The following MOK variants were observed in gnomAD, a reference collection of about 807,000 sequenced individuals.
The protein encoded by MOK is MAPK/MAK/MRK overlapping kinase.
In MOK, 59 loss-of-function variants were observed where a neutral mutation model predicts 54.2. The ratio of observed to expected loss-of-function variants is 1.09; its 90% CI spans 0.88 to 1.35. The LOEUF (loss-of-function observed/expected upper bound fraction) is 1.35. MOK is among the 40% of genes most tolerant of loss of function. The pLI is 0.00. For missense variants in MOK, 517 were observed against 526.2 expected (o/e 0.98, Z 0.17); for synonymous variants, 210 against 202.7 (o/e 1.04, Z -0.31).
In MOK at chr14:102,236,335, C is replaced by T. The variant is rs1045447699; in HGVS notation, c.591-2546G>A. Among the ~76,000 whole-genome samples the T allele has an allele frequency of 4.6e-5, 7 of 152,204 alleles. No individual in the cohort carries two copies. Among genetic ancestry groups the T allele is most frequent in the African/African-American group, 1.4e-4 (6 of 41,452 alleles). ...TTTAAATTGATAGCGGGGCCACCTA[C>T]TCAGCTTTGCCTGAATTTTCAGGAC... On this transcript the variant is annotated intron_variant, in intron 7 of 11. Transcript: ENST00000361847. The surrounding 1 kb of genome is among the most constrained non-coding windows in gnomAD (Gnocchi z 4.5).
rs1287377878 is a variant in MOK, at chr14:102,236,661, T to C, written c.591-2872A>G. On this transcript the variant is annotated intron_variant, in intron 7 of 11. Coordinates refer to ENST00000361847, the MANE Select transcript of MOK (RefSeq NM_014226.3). The surrounding 1 kb of genome is among the most constrained non-coding windows in gnomAD (Gnocchi z 4.5). The stretch of plus-strand genomic sequence containing the variant: ...CAGTACCCACTTCCCACCTCTTTTG[T>C]AAACCCAACAGGGTGGGACACCACC... 6.8e-6 allele frequency among the ~76,000 whole-genome samples: 1 copy of C among 147,746 alleles called. No homozygotes were observed. Among genetic ancestry groups the C allele is most frequent in the East Asian group, 1.9e-4 (1 of 5,170 alleles).
At chr14:102,226,022 T>C (rs545510037), downstream of MOK, 3 of 451,582 alleles carry the variant, frequency 6.6e-6, no homozygotes, top group South Asian at 5.4e-5. This position sits in a 1 kb window ranked among gnomAD's most constrained non-coding sequence, Gnocchi z 4.8. Flanking sequence ...AGCTGGACTC[T>C]AGCTGCCTTG....
At position 102,305,092 on chromosome 14, in the gene MOK, G is replaced by T. The variant is rs1326712931; in HGVS notation, c.-124C>A. On this transcript the variant is annotated 5_prime_UTR_variant, in exon 1 of 12. Transcript: ENST00000361847. ...GTCCCGCACTAGGATCTCCGTGGTG[G>T]TCCCTCGAAGGAGAGCGTTAGAGAT... is the stretch of plus-strand genomic sequence containing the variant. The T allele has an allele frequency of 1.4e-5, 16 of 1,159,128 alleles. No homozygotes were observed. The highest frequency in any genetic ancestry group is 1.9e-5 in the Non-Finnish European group (15 of 790,764). The allele number at this position is 1,159,128 out of a possible 1,614,324, so 71.8% of individuals were successfully genotyped here. A position where few individuals can be genotyped will look rare whatever the true frequency, so the allele number is the denominator to read the frequency against.
intron 1 of MOK, among the ~76,000 whole-genome samples, chr14:102,295,504 C>A (rs1295686098): frequency 6.6e-6 from 1 of 152,100 alleles, no homozygotes; most frequent in Non-Finnish European, 1.5e-5. Context: ...TGGGGCTTCA[C>A]CAGTAGAGGG....
chr14:102,298,104 A>C (rs2071657925), intron 1 of MOK, among the ~76,000 whole-genome samples: 1 of 152,194 alleles, frequency 6.6e-6, no homozygotes, highest in African/African-American at 2.4e-5. Flanking sequence ...GGGCAGCTCC[A>C]CCTGCAGCCC....
intron 4 of MOK, among the ~76,000 whole-genome samples, chr14:102,263,100 T>A (rs529567432): frequency 6.6e-6 from 1 of 152,320 alleles, no homozygotes; most frequent in East Asian, 1.9e-4. Context: ...TGAACGAGCA[T>A]CCTGGAAAAT....
chr14:102,303,119 C>A (rs931785645), intron 1 of MOK, among the ~76,000 whole-genome samples: 1 of 151,594 alleles, frequency 6.6e-6, no homozygotes, highest in African/African-American at 2.4e-5. Context: ...CAAGATTGCA[C>A]CACTGCACTC....
chr14:102,278,266 T>C (rs1050269356), intron 2 of MOK, among the ~76,000 whole-genome samples: 7 of 152,112 alleles, frequency 4.6e-5, no homozygotes, highest in Admixed American at 2.6e-4. Flanking sequence ...GGAAGGACAC[T>C]GGGTGGAGGT....
intron 1 of MOK, among the ~76,000 whole-genome samples, chr14:102,288,278 C>T (rs1270877760): frequency 6.6e-6 from 1 of 152,222 alleles, no homozygotes; most frequent in South Asian, 2.1e-4. Context: ...AGGTGGAAAG[C>T]ATCCAAATGT....
chr14:102,285,299 T>G (rs2153173710), intron 1 of MOK, among the ~76,000 whole-genome samples: 1 of 152,260 alleles, frequency 6.6e-6, no homozygotes, highest in Admixed American at 6.5e-5. Context: ...CAGGCTGGCC[T>G]CAAACTCCTG....
intron 4 of MOK, among the ~76,000 whole-genome samples, chr14:102,261,458 T>TATATATATATA (rs1567188046): frequency 2.0e-5 from 2 of 101,172 alleles, no homozygotes; most frequent in Non-Finnish European, 1.9e-5. Flanking sequence ...TATATATATA[T>TATATATATATA]TCTAAACAAA....
intron 1 of MOK, among the ~76,000 whole-genome samples, chr14:102,284,185 A>G (rs372888360): frequency 1.3e-5 from 2 of 151,862 alleles, no homozygotes; most frequent in East Asian, 1.9e-4. Flanking sequence ...GGTAGTTTCC[A>G]TTTTCCTGAC....
Position 102,232,071 on chromosome 14 carries a change from T to C in MOK, c.867-250A>G. 2.3e-6 allele frequency: 1 copy of C among 441,922 alleles called. No individual in the cohort carries two copies. Among genetic ancestry groups the C allele is most frequent in the Non-Finnish European group, 4.0e-6 (1 of 247,536 alleles). 27.4% of individuals were successfully genotyped at this position (441,922 alleles called of 1,614,324 possible). On this transcript the variant is annotated intron_variant, in intron 9 of 11. Coordinates refer to ENST00000361847, the MANE Select transcript of MOK (RefSeq NM_014226.3). This position sits in a 1 kb window ranked among gnomAD's most constrained non-coding sequence, Gnocchi z 5.1. ...AGGGACTCGCAGTTTCAGATCAAAC[T>C]GTCACCTCCACAGTTAGGCAAACAG...
In MOK at chr14:102,231,789, C is replaced by T; in HGVS notation, c.899G>A (p.Arg300Lys). Residue 300 changes from arginine to lysine, a missense_variant, in exon 10 of 12, where the codon AGA (arginine) becomes AAA (lysine). Transcript: ENST00000361847. This position sits in a 1 kb window ranked among gnomAD's most constrained non-coding sequence, Gnocchi z 4.4. ...KTEKRALGSH[R>K]KAGFPEHPVA... ...AGGGTGCTCCGGAAAGCCAGCTTTTCTGTGGCTGCCCAGAGCCCGCTTCTC... is the reference window on the plus strand; with the variant it reads ...AGGGTGCTCCGGAAAGCCAGCTTTTTTGTGGCTGCCCAGAGCCCGCTTCTC... The T allele has an allele frequency of 6.2e-7, 1 of 1,612,770 alleles. No homozygotes were observed. Among genetic ancestry groups the T allele is most frequent in the Non-Finnish European group, 8.5e-7 (1 of 1,179,530 alleles).
intron 1 of MOK, among the ~76,000 whole-genome samples, chr14:102,284,675 G>C (rs193017540): frequency 6.6e-6 from 1 of 152,320 alleles, no homozygotes; most frequent in Admixed American, 6.5e-5. Context: ...CTTTGCGGCA[G>C]AGATCACAGG....
downstream of MOK, among the ~76,000 whole-genome samples, chr14:102,227,815 T>A (rs1277303301): frequency 6.6e-6 from 1 of 152,176 alleles, no homozygotes; most frequent in East Asian, 1.9e-4. Flanking sequence ...GGCCCCGCTG[T>A]CGTGTCAGGT....
At chr14:102,293,701 C>CCAAAAAAAAAAAAAAAAAAAAA (rs1432616309) in intron 1 of MOK, among the ~76,000 whole-genome samples, 4 of 54,596 alleles carry the variant, frequency 7.3e-5, no homozygotes, top group African/African-American at 1.7e-4. Flanking sequence ...AACTCCATCA[C>CCAAAAAAAAAAAAAAAAAAAAA]AAAAAAAAAA....
Position 102,233,688 on chromosome 14 carries a change from T to G in MOK, c.692A>C (p.Gln231Pro), listed in dbSNP as rs752689694. The change falls in exon 8 of 12, where the codon CAG (glutamine) becomes CCG (proline). Residue 231 changes from glutamine to proline, a missense_variant and splice_region_variant. Transcript: ENST00000361847. The stretch of plus-strand genomic sequence containing the variant: ...TCCACTCTCAGAACACAATACTTAC[T>G]GTTTGAACTTGGTGAGGATCTTCTG... ...PAQKILTKFK[Q>P]SRAMNFDFPF... 1 of 1,610,908 alleles carries G rather than the reference T, an allele frequency of 6.2e-7. No homozygotes were observed. The highest frequency in any genetic ancestry group is 2.2e-5 in the East Asian group (1 of 44,860).
chr14:102,278,078 G>A (rs2069052412), intron 2 of MOK, among the ~76,000 whole-genome samples: 1 of 152,106 alleles, frequency 6.6e-6, no homozygotes, highest in African/African-American at 2.4e-5. Flanking sequence ...TCTGTCATTT[G>A]AGGACAAAGC....
Sources: allele counts gnomAD v4.1 joint callset (sites outside exome capture counted in the v4.1 genomes callset), GRCh38; gene constraint gnomAD v4.1.1; non-coding constraint Gnocchi (gnomAD v3.1); transcripts MANE v1.5; gene names NCBI Gene and HGNC (gene_info 2026-07-23, HGNC 2026-07-21).